The following ASB3 variants were observed in gnomAD, a reference collection of about 807,000 sequenced individuals.
The protein encoded by ASB3 is ankyrin repeat and SOCS box protein 3.
Under a neutral mutation model 54.5 loss-of-function variants are expected in ASB3, and 41 were observed. The ratio of observed to expected loss-of-function variants is 0.75; its 90% CI spans 0.59 to 0.98. The LOEUF (loss-of-function observed/expected upper bound fraction) is 0.98, where lower values mean the gene tolerates loss of function less well. ASB3 is among the 50% of genes least tolerant of loss of function. ASB3 has a pLI of 0.00. For missense variants in ASB3, 733 were observed against 620.0 expected (o/e 1.18, Z -1.94); for synonymous variants, 266 against 221.2 (o/e 1.20, Z -1.80).
intron 9 of ASB3, among the ~76,000 whole-genome samples, chr2:53,685,488 T>C (rs1439794005): frequency 6.6e-6 from 1 of 152,244 alleles, no homozygotes; most frequent in East Asian, 1.9e-4. Flanking sequence ...AATGTCATCA[T>C]AGAAGACAGT....
chr2:53,765,607 T>G (rs1477689283), intron 1 of ASB3, 22 bp from the exon 2 acceptor site: 1 of 1,613,966 alleles, frequency 6.2e-7, no homozygotes, highest in East Asian at 2.2e-5. Context: ...GGTAGAAGGA[T>G]AATACTATAG....
Position 53,765,358 on chromosome 2 carries a change from T to C in ASB3, c.196+19A>G, listed in dbSNP as rs900891325. 1.9e-6 allele frequency: 3 copies of C among 1,614,036 alleles called. No homozygotes were observed. The highest frequency in any genetic ancestry group is 4.5e-5 in the East Asian group (2 of 44,892). The stretch of plus-strand genomic sequence containing the variant: ...ATCCAGCTTGTAGGCAAAGCCTCCA[T>C]ACCTTGAATTTACTTTACCTGCATT... On this transcript the variant is annotated intron_variant, in intron 2 of 9. Coordinates refer to ENST00000263634, the MANE Select transcript of ASB3 (RefSeq NM_016115.5).
At chr2:53,705,230 C>T (rs1669705301) in intron 7 of ASB3, among the ~76,000 whole-genome samples, 1 of 152,130 alleles carries the variant, frequency 6.6e-6, no homozygotes, top group Non-Finnish European at 1.5e-5. Context: ...TTTCCAATGA[C>T]TACTTACTGA....
intron 9 of ASB3, among the ~76,000 whole-genome samples, chr2:53,685,861 T>C (rs559482515): frequency 2.6e-5 from 4 of 152,346 alleles, no homozygotes; most frequent in Admixed American, 1.3e-4. Context: ...TCCTTCTTTA[T>C]GTAAGAAATG....
chr2:53,690,295 T>A (rs1179197801), intron 9 of ASB3, among the ~76,000 whole-genome samples: 1 of 152,078 alleles, frequency 6.6e-6, no homozygotes, highest in Non-Finnish European at 1.5e-5. Context: ...AGTTGAGACA[T>A]ACAATATTTA....
intron 3 of ASB3, among the ~76,000 whole-genome samples, chr2:53,745,638 C>T (rs1269761476): frequency 6.6e-6 from 1 of 152,250 alleles, no homozygotes; most frequent in Non-Finnish European, 1.5e-5. Flanking sequence ...TATTCACTTT[C>T]TACCCCTAGA....
At chr2:53,768,793 T>C (rs546128471) in intron 1 of ASB3, among the ~76,000 whole-genome samples, 1 of 152,356 alleles carries the variant, frequency 6.6e-6, no homozygotes, top group Non-Finnish European at 1.5e-5. Flanking sequence ...GTATAGAGAA[T>C]TAGCAGCAGC....
chr2:53,689,024 A>T (rs574014848), intron 9 of ASB3, among the ~76,000 whole-genome samples: 6 of 152,168 alleles, frequency 3.9e-5, no homozygotes, highest in East Asian at 1.9e-4. Context: ...ATTGATCTAA[A>T]TTTTTTTTAA....
At chr2:53,765,325 T>C (rs1673378772) in intron 2 of ASB3, 52 bp downstream of exon 2, 1 of 1,608,158 alleles carries the variant, frequency 6.2e-7, no homozygotes, top group Non-Finnish European at 8.5e-7. Flanking sequence ...CTTTTTTATG[T>C]TTTATTAATC....
chr2:53,753,301 C>T (rs1410687362), intron 2 of ASB3, among the ~76,000 whole-genome samples: 2 of 152,118 alleles, frequency 1.3e-5, no homozygotes, highest in East Asian at 3.9e-4. Flanking sequence ...ATTAACAATT[C>T]TGAAACCACT....
At chr2:53,732,059 T>C (rs1485501628) in intron 3 of ASB3, among the ~76,000 whole-genome samples, 2 of 152,052 alleles carry the variant, frequency 1.3e-5, no homozygotes, top group Non-Finnish European at 2.9e-5. Context: ...CTGGGTTTCA[T>C]GCGATTCTTC....
At position 53,670,033 on chromosome 2, in the gene ASB3, AATAATG is replaced by A. The variant is rs1293439251; in HGVS notation, c.*464_*469del. The A allele has an allele frequency of 6.6e-6, 1 of 151,934 alleles. No homozygotes were observed. Among genetic ancestry groups the A allele is most frequent in the Non-Finnish European group, 1.5e-5 (1 of 68,036 alleles). 9.4% of individuals were successfully genotyped at this position (151,934 alleles called of 1,614,324 possible). A position where few individuals can be genotyped will look rare whatever the true frequency, so the allele number is the denominator to read the frequency against. ...AGAGATAGTCAAGTCTAAATAAAAT[AATAATG>A]ATAATAATAACAGATTCTACACCAC... is the stretch of plus-strand genomic sequence containing the variant. On this transcript the variant is annotated 3_prime_UTR_variant, in exon 10 of 10. Transcript: ENST00000263634.
chr2:53,689,892 T>A (rs973007281), intron 9 of ASB3, among the ~76,000 whole-genome samples: 1 of 152,180 alleles, frequency 6.6e-6, no homozygotes, highest in African/African-American at 2.4e-5. Flanking sequence ...ACTCTGATAC[T>A]TCTTAGGTAG....
intron 1 of ASB3, chr2:53,768,073 C>T (rs1213927191): frequency 6.3e-7 from 1 of 1,596,416 alleles, no homozygotes; most frequent in East Asian, 2.2e-5. Context: ...CCCTGCTCCC[C>T]AACTCCACAC....
chr2:53,688,590 C>T (rs1012695187), intron 9 of ASB3, among the ~76,000 whole-genome samples: 2 of 152,202 alleles, frequency 1.3e-5, no homozygotes, highest in Non-Finnish European at 2.9e-5. Context: ...CTATTACCAT[C>T]TCTTCTTATA....
intron 1 of ASB3, among the ~76,000 whole-genome samples, chr2:53,780,266 C>T (rs1414247936): frequency 6.6e-6 from 1 of 152,152 alleles, no homozygotes; most frequent in Admixed American, 6.5e-5. Flanking sequence ...TCACTTCCCA[C>T]TGACGTACTC....
intron 3 of ASB3, among the ~76,000 whole-genome samples, chr2:53,739,111 G>C (rs3770398): frequency 0.17 from 26,466 of 152,134 alleles, 2,496 homozygotes; most frequent in African/African-American, 0.25. Flanking sequence ...ATAATTTCTA[G>C]GGAGACATTT....
chr2:53,752,825 G>GA (rs569008370), intron 2 of ASB3, among the ~76,000 whole-genome samples: 13 of 152,284 alleles, frequency 8.5e-5, no homozygotes, highest in Non-Finnish European at 1.5e-4. Context: ...ACCCATCAGG[G>GA]AAAGGAATCA....
intron 3 of ASB3, among the ~76,000 whole-genome samples, chr2:53,749,710 G>A (rs1672414848): frequency 6.6e-6 from 1 of 152,018 alleles, no homozygotes; most frequent in African/African-American, 2.4e-5. Context: ...CAGTCTCAAA[G>A]GCTATATGGT....
Sources: allele counts gnomAD v4.1 joint callset (sites outside exome capture counted in the v4.1 genomes callset), GRCh38; gene constraint gnomAD v4.1.1; transcripts MANE v1.5; gene names NCBI Gene and HGNC (gene_info 2026-07-23, HGNC 2026-07-21).